The following PTPRN2 variants were observed in gnomAD, a reference collection of about 807,000 sequenced individuals.
The protein encoded by PTPRN2 is protein tyrosine phosphatase receptor type N2, also known as receptor-type tyrosine-protein phosphatase N2.
PTPRN2 carries 74 observed loss-of-function variants against 118.8 expected under a neutral mutation model. That is an observed-to-expected ratio of 0.62 (90% confidence interval 0.52 to 0.76). PTPRN2 has a LOEUF of 0.76. Among genes scored for constraint, PTPRN2 ranks in the 30% least tolerant of loss-of-function variants. PTPRN2 has a pLI of 0.00. For missense variants in PTPRN2, 1,481 were observed against 1,394.4 expected (o/e 1.06, Z -0.99); for synonymous variants, 641 against 608.0 (o/e 1.05, Z -0.80).
chr7:157,734,248 A>G, intron 12 of PTPRN2, among the ~76,000 whole-genome samples: 1 of 136,814 alleles, frequency 7.3e-6, no homozygotes, highest in East Asian at 2.3e-4. Flanking sequence ...CTCCCAGCAC[A>G]CTCTTCCGTC....
intron 21 of PTPRN2, among the ~76,000 whole-genome samples, chr7:157,564,605 A>G (rs1799390640): frequency 6.6e-6 from 1 of 152,248 alleles, no homozygotes. Flanking sequence ...CAAACAGCCC[A>G]CTTCAGAAAT....
In PTPRN2 at chr7:157,708,197, C is replaced by T. The variant is rs553448705; in HGVS notation, c.1789-25260G>A. Among the ~76,000 whole-genome samples the T allele has an allele frequency of 4.6e-5, 7 of 152,336 alleles. No individual in the cohort carries two copies. The South Asian group carries it at 1.2e-3, about 27-fold the overall frequency. On this transcript the variant is annotated intron_variant, in intron 12 of 22. Coordinates refer to ENST00000389418, the MANE Select transcript of PTPRN2 (RefSeq NM_002847.5). Reference sequence around the variant, plus strand: ...TTTTAGCTCTGATTCTGCCCCGTGCCGTGTGCCTCTGAGTGTTGCCTTCCC... The same window carrying T: ...TTTTAGCTCTGATTCTGCCCCGTGCTGTGTGCCTCTGAGTGTTGCCTTCCC...
chr7:157,655,307 G>C (rs889490139), intron 14 of PTPRN2, among the ~76,000 whole-genome samples: 13 of 152,182 alleles, frequency 8.5e-5, no homozygotes, highest in Admixed American at 6.5e-5. Context: ...AGAACTGCGT[G>C]TTTCCCACCA....
intron 3 of PTPRN2, among the ~76,000 whole-genome samples, chr7:158,298,126 T>G (rs911859064): frequency 1.3e-5 from 2 of 152,218 alleles, no homozygotes; most frequent in Non-Finnish European, 2.9e-5. Context: ...TCATTGTCGG[T>G]AAAAAGAGCT....
In PTPRN2 at chr7:157,812,597, CTA is replaced by C. The variant is rs147798736; in HGVS notation, c.1788+86074_1788+86075del. Among the ~76,000 whole-genome samples the C allele has an allele frequency of 3.9e-3, 595 of 152,310 alleles. 5 individuals are homozygous for C. The highest frequency in any genetic ancestry group is 0.012 in the African/African-American group (501 of 41,536). On this transcript the variant is annotated intron_variant, in intron 12 of 22. Transcript: ENST00000389418. ...AAGTTGTCAGAGGAGACCAGAAACT[CTA>C]TGTCAGCTGAGAAAGCTGTAAGCGA...
At chr7:157,993,913 C>G (rs1804448772) in intron 11 of PTPRN2, among the ~76,000 whole-genome samples, 2 of 152,152 alleles carry the variant, frequency 1.3e-5, no homozygotes, top group Admixed American at 1.3e-4. Context: ...CCCCCATGCA[C>G]TGAGCTCACT....
chr7:158,058,308 A>G (rs112555916), intron 11 of PTPRN2, among the ~76,000 whole-genome samples: 3,753 of 133,928 alleles, frequency 0.028, 211 homozygotes, highest in African/African-American at 0.09. Flanking sequence ...CTGCAGCCAC[A>G]CTCCATCTGC....
intron 2 of PTPRN2, among the ~76,000 whole-genome samples, chr7:158,343,148 C>T (rs1479976250): frequency 6.6e-6 from 1 of 152,040 alleles, no homozygotes; most frequent in East Asian, 1.9e-4. Context: ...AAATATTTGC[C>T]CTCATCTATC....
At chr7:157,737,725 G>T (rs553658958) in intron 12 of PTPRN2, among the ~76,000 whole-genome samples, 1 of 152,222 alleles carries the variant, frequency 6.6e-6, no homozygotes, top group South Asian at 2.1e-4. Flanking sequence ...CCTGGTCCTC[G>T]GGAGCATTTA....
chr7:157,650,374 T>C (rs1435338676), intron 14 of PTPRN2, among the ~76,000 whole-genome samples: 1 of 152,158 alleles, frequency 6.6e-6, no homozygotes, highest in Admixed American at 6.5e-5. Context: ...TCCTCAATGG[T>C]GAGAAACAGC....
intron 3 of PTPRN2, among the ~76,000 whole-genome samples, chr7:158,257,738 G>A (rs998547712): frequency 4.6e-5 from 7 of 152,350 alleles, no homozygotes; most frequent in East Asian, 3.9e-4. Flanking sequence ...GACTGCCCCC[G>A]CCCAGCCCCA....
chr7:157,568,760 A>G, intron 21 of PTPRN2, 142 bp downstream of exon 21: 1 of 796,394 alleles, frequency 1.3e-6, no homozygotes, highest in Non-Finnish European at 2.1e-6. Context: ...TGCTTGCTGC[A>G]AACCACCTTC....
chr7:158,566,249 G>A (rs1827662948), intron 1 of PTPRN2, among the ~76,000 whole-genome samples: 1 of 152,040 alleles, frequency 6.6e-6, no homozygotes, highest in Admixed American at 6.6e-5. Flanking sequence ...AGGCACTCAG[G>A]AGACTGAGGC....
At chr7:158,416,090 C>T (rs1189846344) in intron 2 of PTPRN2, among the ~76,000 whole-genome samples, 3 of 152,236 alleles carry the variant, frequency 2.0e-5, no homozygotes, top group African/African-American at 4.8e-5. Flanking sequence ...CTACAATCCA[C>T]GGTTCCCAAG....
rs992544633 is a variant in PTPRN2, at chr7:157,705,063, T to A, written c.1789-22126A>T. Reference sequence around the variant, plus strand: ...TGGCTCACGCCTGTAATCCAGCACTTTGGGAGGCCCAGGGGGCGGATCACG... The same window carrying A: ...TGGCTCACGCCTGTAATCCAGCACTATGGGAGGCCCAGGGGGCGGATCACG... On this transcript the variant is annotated intron_variant, in intron 12 of 22. Coordinates refer to ENST00000389418, the MANE Select transcript of PTPRN2 (RefSeq NM_002847.5). Among the ~76,000 whole-genome samples, 67 of 152,280 alleles carry A rather than the reference T, an allele frequency of 4.4e-4. 1 individual carries two copies. The highest frequency in any genetic ancestry group is 1.4e-3 in the African/African-American group (60 of 41,560).
chr7:158,170,879 A>G (rs921171569), intron 5 of PTPRN2, among the ~76,000 whole-genome samples: 1 of 152,096 alleles, frequency 6.6e-6, no homozygotes, highest in Non-Finnish European at 1.5e-5. Flanking sequence ...TCTGTAAAAC[A>G]AGGATAATAA....
chr7:157,959,723 T>C (rs534326908), intron 11 of PTPRN2, among the ~76,000 whole-genome samples: 1 of 152,206 alleles, frequency 6.6e-6, no homozygotes, highest in African/African-American at 2.4e-5. Context: ...AACTCGTGTG[T>C]ACTCCTAGTG....
chr7:158,508,328 G>A (rs554830284), intron 1 of PTPRN2, among the ~76,000 whole-genome samples: 7 of 152,332 alleles, frequency 4.6e-5, no homozygotes, highest in Middle Eastern at 3.4e-3. Flanking sequence ...GCTTCCACAG[G>A]CTGCTGAGCA....
At chr7:158,489,829 AG>A (rs929733282) in intron 1 of PTPRN2, 44 bp from the exon 2 acceptor site, 31 of 1,537,434 alleles carry the variant, frequency 2.0e-5, no homozygotes, top group African/African-American at 6.9e-5. Context: ...GGAGGGGAGG[AG>A]GGGGGTGCCC....
Sources: allele counts gnomAD v4.1 joint callset (sites outside exome capture counted in the v4.1 genomes callset), GRCh38; gene constraint gnomAD v4.1.1; transcripts MANE v1.5; gene names NCBI Gene and HGNC (gene_info 2026-07-23, HGNC 2026-07-21).